The following SUOX variants were observed in gnomAD, a reference collection of about 807,000 sequenced individuals.
SUOX encodes the protein sulfite oxidase, also known as sulfite oxidase, mitochondrial.
SUOX carries 39 observed loss-of-function variants against 41.9 expected under a neutral mutation model. The observed-to-expected ratio is 0.93, with a 90% CI of 0.72 to 1.21. SUOX has a LOEUF of 1.21. SUOX is among the 50% of genes most tolerant of loss of function. The probability of loss-of-function intolerance (pLI) is 0.00; values close to 1 mark genes in which losing one functional copy is unlikely to be tolerated. For missense variants in SUOX, 633 were observed against 689.5 expected (o/e 0.92, Z 0.92); for synonymous variants, 220 against 268.4 (o/e 0.82, Z 1.76).
chr12:56,003,702 G>T lies in SUOX; in HGVS notation c.313G>T (p.Gly105Cys). The change falls in exon 5 of 5, where the codon GGC (glycine) becomes TGC (cysteine). Residue 105 changes from glycine (G) to cysteine (C), a missense_variant. By Grantham distance (159) the Gly-to-Cys change is radical. Coordinates refer to ENST00000266971, the MANE Select transcript of SUOX (RefSeq NM_001032386.2). ...TGAGACTGGGATCTGGGTGACTCTG[G>T]GCTCTGAGGTCTTTGATGTCACAGA... ...SPETGIWVTLGSEVFDVTEFV... is the reference protein window; with the variant it reads ...SPETGIWVTLCSEVFDVTEFV... 6.2e-7 allele frequency: 1 copy of T among 1,612,888 alleles called. No homozygotes were observed. Among genetic ancestry groups the T allele is most frequent in the Non-Finnish European group, 8.5e-7 (1 of 1,179,250 alleles).
rs747461754 is a variant in SUOX at position 56,004,589 on chromosome 12, C to G, written c.1200C>G (p.Tyr400Ter). The change falls in exon 5 of 5, where the codon TAC becomes TAG. Residue 400 changes from tyrosine (Y) to a stop codon, truncating the protein, a stop_gained. Coordinates refer to ENST00000266971, the MANE Select transcript of SUOX (RefSeq NM_001032386.2). LOFTEE classifies it high-confidence loss of function. The surrounding 1 kb of genome is among the most constrained non-coding windows in gnomAD (Gnocchi z 4.5). ...ESYSHWQRRDYKGFSPSVDWE... is the reference protein window; with the variant it reads ...ESYSHWQRRD ...ACAGCCACTGGCAACGGCGGGATTA[C>G]AAAGGCTTCTCTCCATCTGTGGACT... The G allele has an allele frequency of 1.4e-5, 22 of 1,614,066 alleles. No individual in the cohort carries two copies. The East Asian group carries it at 4.7e-4, about 34-fold the overall frequency.
chr12:55,998,913 C>T (rs1890409093), intron 2 of SUOX, among the ~76,000 whole-genome samples: 3 of 151,708 alleles, frequency 2.0e-5, no homozygotes, highest in Non-Finnish European at 4.4e-5. Context: ...ATCCTCTCAT[C>T]TCAGCACTCC....
At position 56,004,727 on chromosome 12, in the gene SUOX, G is replaced by A. The variant is rs1890679968; in HGVS notation, c.1338G>A (p.Lys446=). ...ETVESGEVTI[K]GYAWSGGGRA... is the part of the protein sequence containing the mutation. ...TAGAATCAGGGGAGGTGACCATCAA[G>A]GGCTATGCATGGAGTGGTGGTGGCA... Residue 446 remains lysine, a synonymous_variant, in exon 5 of 5, where the codon AAG becomes AAA. Transcript: ENST00000266971. This position sits in a 1 kb window ranked among gnomAD's most constrained non-coding sequence, Gnocchi z 4.5. 6.2e-7 allele frequency: 1 copy of A among 1,614,184 alleles called. No individual in the cohort carries two copies. Among genetic ancestry groups the A allele is most frequent in the Non-Finnish European group, 8.5e-7 (1 of 1,180,048 alleles).
chr12:56,002,105 C>T, intron 2 of SUOX, 107 bp from the exon 3 acceptor site: 3 of 1,533,784 alleles, frequency 2.0e-6, no homozygotes, highest in Non-Finnish European at 2.7e-6. Context: ...GCCCAGAAAG[C>T]TCCTTGCTGA....
chr12:56,005,494 T>C lies in SUOX; in HGVS notation c.*467T>C, dbSNP rs1230166020. On this transcript the variant is annotated 3_prime_UTR_variant, in exon 5 of 5. Coordinates refer to ENST00000266971, the MANE Select transcript of SUOX (RefSeq NM_001032386.2). Reference sequence around the variant, plus strand: ...CAACCGTCTCCCTTTATAGTTCTACTTTTCTAATAAATAGTCTGTTTAAGA... The same window carrying C: ...CAACCGTCTCCCTTTATAGTTCTACCTTTCTAATAAATAGTCTGTTTAAGA... 2 of 377,382 alleles carry C rather than the reference T, an allele frequency of 5.3e-6. No individual in the cohort carries two copies. Among genetic ancestry groups the C allele is most frequent in the Non-Finnish European group, 9.5e-6 (2 of 210,822 alleles). The allele number at this position is 377,382 out of a possible 1,614,324, so 23.4% of individuals were successfully genotyped here.
In SUOX at chr12:56,004,805, G is replaced by A; in HGVS notation, c.1416G>A (p.Val472=). The stretch of plus-strand genomic sequence containing the variant: ...TGGATGGGGGCCTAACCTGGCAGGT[G>A]GCTAAGCTGGATGGAGAGGAACAGC... ...VSLDGGLTWQ[V]AKLDGEEQRP... The change falls in exon 5 of 5, where the codon GTG becomes GTA. Residue 472 remains valine, a synonymous_variant. Transcript: ENST00000266971. This position sits in a 1 kb window ranked among gnomAD's most constrained non-coding sequence, Gnocchi z 4.5. 3 of 1,614,160 alleles carry A rather than the reference G, an allele frequency of 1.9e-6. No homozygotes were observed. The highest frequency in any genetic ancestry group is 1.1e-5 in the South Asian group (1 of 91,086).
At position 56,005,035 on chromosome 12, in the gene SUOX, A is replaced by G; in HGVS notation, c.*8A>G. The G allele has an allele frequency of 6.2e-7, 1 of 1,608,680 alleles. No homozygotes were observed. Among genetic ancestry groups the G allele is most frequent in the Non-Finnish European group, 8.5e-7 (1 of 1,179,964 alleles). ...GTCTATGTCTCCCCATGAGCATGGA[A>G]AGGAGCCACCTCCACCCCTTTCCCC... On this transcript the variant is annotated 3_prime_UTR_variant, in exon 5 of 5. Coordinates refer to ENST00000266971, the MANE Select transcript of SUOX (RefSeq NM_001032386.2).
At chr12:56,001,731 TTGCCC>T (rs1417570025) in intron 2 of SUOX, 1 of 185,320 alleles carries the variant, frequency 5.4e-6, no homozygotes, top group Non-Finnish European at 1.1e-5. Context: ...CCAAGGCATT[TTGCCC>T]CCAGAATCTG....
Position 56,004,238 on chromosome 12 carries a change from G to A in SUOX, c.849G>A (p.Trp283Ter), listed in dbSNP as rs1372045486. ...TQVKEVKGLE[W>*]RTGAISTARW... ...TCAAAGAAGTAAAAGGTCTGGAGTG[G>A]AGAACAGGAGCCATCAGCACTGCAC... Residue 283 changes from tryptophan (W) to a stop codon, truncating the protein, a stop_gained, in exon 5 of 5, where the codon TGG (tryptophan) becomes TGA (stop). Coordinates refer to ENST00000266971, the MANE Select transcript of SUOX (RefSeq NM_001032386.2). LOFTEE classifies it high-confidence loss of function. This position sits in a 1 kb window ranked among gnomAD's most constrained non-coding sequence, Gnocchi z 4.5. 1 of 1,614,102 alleles carries A rather than the reference G, an allele frequency of 6.2e-7. No homozygotes were observed. Among genetic ancestry groups the A allele is most frequent in the Non-Finnish European group, 8.5e-7 (1 of 1,180,030 alleles).
chr12:55,998,083 C>T (rs1045080022), intron 2 of SUOX, among the ~76,000 whole-genome samples: 1 of 152,112 alleles, frequency 6.6e-6, no homozygotes, highest in Non-Finnish European at 1.5e-5. Flanking sequence ...GGTCCAGTTC[C>T]CAGCTGGGTT....
intron 2 of SUOX, among the ~76,000 whole-genome samples, chr12:56,000,791 T>C (rs1890490273): frequency 1.3e-5 from 2 of 152,082 alleles, no homozygotes; most frequent in African/African-American, 4.8e-5. Flanking sequence ...CTTTGTTTTT[T>C]TTTTGAGACG....
In SUOX at chr12:56,003,879, G is replaced by A. The variant is rs536649168; in HGVS notation, c.490G>A (p.Asp164Asn). The stretch of plus-strand genomic sequence containing the variant: ...CAAGATTGGGGAGCTGAATCCTGAA[G>A]ACAAGGTAGCCCCCACCGTGGAGAC... ...QYKIGELNPE[D>N]KVAPTVETSD... The change falls in exon 5 of 5, where the codon GAC (aspartate) becomes AAC (asparagine). Residue 164 changes from aspartate (D) to asparagine (N), a missense_variant. Asp to Asn is a conservative substitution (Grantham distance 23). Transcript: ENST00000266971. The A allele has an allele frequency of 1.4e-5, 22 of 1,614,044 alleles. No homozygotes were observed. The Admixed American group carries it at 3.3e-4, about 24-fold the overall frequency.
intron 2 of SUOX, among the ~76,000 whole-genome samples, chr12:55,997,951 G>A (rs757579882): frequency 1.3e-5 from 2 of 152,158 alleles, no homozygotes; most frequent in South Asian, 4.1e-4. Flanking sequence ...GCAGGGCAGA[G>A]AGCAGAAAAA....
rs111947844 is a variant in SUOX, at chr12:56,003,903, A to G, written c.514A>G (p.Thr172Ala). Residue 172 changes from threonine (T) to alanine (A), a missense_variant, in exon 5 of 5, where the codon ACC becomes GCC. Thr to Ala is a moderately conservative substitution (Grantham distance 58). Transcript: ENST00000266971. ...PEDKVAPTVE[T>A]SDPYADDPVR... Reference sequence around the variant, plus strand: ...AGACAAGGTAGCCCCCACCGTGGAGACCTCTGACCCTTATGCTGATGATCC... The same window carrying G: ...AGACAAGGTAGCCCCCACCGTGGAGGCCTCTGACCCTTATGCTGATGATCC... 2.5e-5 allele frequency: 41 copies of G among 1,613,796 alleles called. 1 individual carries two copies. In the African/African-American group the frequency reaches 4.5e-4, roughly 18 times the overall value.
In SUOX at chr12:56,005,030, A is replaced by G. The variant is rs769625618; in HGVS notation, c.*3A>G. ...TCCATGTCTATGTCTCCCCATGAGC[A>G]TGGAAAGGAGCCACCTCCACCCCTT... On this transcript the variant is annotated 3_prime_UTR_variant, in exon 5 of 5. Coordinates refer to ENST00000266971, the MANE Select transcript of SUOX (RefSeq NM_001032386.2). The G allele has an allele frequency of 8.1e-6, 13 of 1,609,780 alleles. No homozygotes were observed. In the Admixed American group the frequency reaches 1.7e-4, roughly 21 times the overall value.
At chr12:55,997,555 G>A (rs188824156) in intron 1 of SUOX, 60 bp from the exon 2 acceptor site, 1 of 152,376 alleles carries the variant, frequency 6.6e-6, no homozygotes, top group East Asian at 1.9e-4. Flanking sequence ...CCTACCTAAC[G>A]TGCCCATGGG....
rs1446408066 is a variant in SUOX at position 56,004,103 on chromosome 12, TG to T, written c.719del (p.Gly240ValfsTer33). 8 of 1,614,026 alleles carry T rather than the reference TG, an allele frequency of 5.0e-6. No homozygotes were observed. Among genetic ancestry groups the T allele is most frequent in the Non-Finnish European group, 5.9e-6 (7 of 1,180,030 alleles). ...TYRLHVVGAP[G>X]GQSLSLSLDD... ...ATCGCTTACACGTAGTAGGAGCACC[TG>T]GGGGTCAGTCACTGTCTCTTTCCCT... On this transcript the variant is annotated frameshift_variant, in exon 5 of 5. Coordinates refer to ENST00000266971, the MANE Select transcript of SUOX (RefSeq NM_001032386.2). LOFTEE classifies it high-confidence loss of function. The surrounding 1 kb of genome is among the most constrained non-coding windows in gnomAD (Gnocchi z 4.5).
intron 2 of SUOX, among the ~76,000 whole-genome samples, chr12:56,000,531 A>T (rs1458241632): frequency 2.6e-5 from 4 of 151,918 alleles, no homozygotes; most frequent in African/African-American, 4.8e-5. Context: ...CTCTCCCTCC[A>T]CACCTCCCTG....
rs184654325 is a variant in SUOX at position 56,002,852 on chromosome 12, T to C, written c.228+132T>C. Reference sequence around the variant, plus strand: ...GAGTTTGAGACCAGCCTGGGCAACATGGCAAAACCCCATCTCTAGTAAAAA... The same window carrying C: ...GAGTTTGAGACCAGCCTGGGCAACACGGCAAAACCCCATCTCTAGTAAAAA... On this transcript the variant is annotated intron_variant, in intron 4 of 4. Coordinates refer to ENST00000266971, the MANE Select transcript of SUOX (RefSeq NM_001032386.2). The C allele has an allele frequency of 1.0e-5, 10 of 978,688 alleles. No homozygotes were observed. The Admixed American group carries it at 1.2e-4, about 12-fold the overall frequency. The allele number at this position is 978,688 out of a possible 1,614,324, so 60.6% of individuals were successfully genotyped here. A position where few individuals can be genotyped will look rare whatever the true frequency, so the allele number is the denominator to read the frequency against.
Sources: allele counts gnomAD v4.1 joint callset (sites outside exome capture counted in the v4.1 genomes callset), GRCh38; gene constraint gnomAD v4.1.1; non-coding constraint Gnocchi (gnomAD v3.1); transcripts MANE v1.5; gene names NCBI Gene and HGNC (gene_info 2026-07-23, HGNC 2026-07-21).